Variants in TPTE2 observed in about 807,000 individuals in gnomAD.
The protein encoded by TPTE2 is phosphatidylinositol 3,4,5-trisphosphate 3-phosphatase TPTE2.
TPTE2 carries 53 observed loss-of-function variants against 78.6 expected under a neutral mutation model. The observed-to-expected ratio is 0.67, with a 90% CI of 0.54 to 0.85. The LOEUF (loss-of-function observed/expected upper bound fraction) is 0.85. Among genes scored for constraint, TPTE2 ranks in the 40% least tolerant of loss-of-function variants. The probability of loss-of-function intolerance (pLI) is 0.00; values close to 1 mark genes in which losing one functional copy is unlikely to be tolerated. For missense variants in TPTE2, 461 were observed against 623.0 expected, an observed-to-expected ratio of 0.74 and a Z score of 2.77; for synonymous variants, 175 against 206.2, an observed-to-expected ratio of 0.85 and a Z score of 1.30.
chr13:19,561,301 G>C, the TPTE2 span: 1 of 908,858 alleles, frequency 1.1e-6, no homozygotes, highest in Non-Finnish European at 1.6e-6. Flanking sequence ...GCCCCAGCAT[G>C]CCGATCCCAG....
intron 10 of TPTE2, among the ~76,000 whole-genome samples, chr13:19,454,836 C>G (rs1325868809): frequency 6.6e-6 from 1 of 152,162 alleles, no homozygotes; most frequent in African/African-American, 2.4e-5. Flanking sequence ...TATTAGTCAC[C>G]ACCAAATCTA....
At chr13:19,475,265 G>A (rs944518362) in intron 5 of TPTE2, among the ~76,000 whole-genome samples, 16 of 148,810 alleles carry the variant, frequency 1.1e-4, no homozygotes, top group South Asian at 2.1e-4. Flanking sequence ...TTGCTGTGTC[G>A]CCAAGGCTGC....
the TPTE2 span, among the ~76,000 whole-genome samples, chr13:19,557,563 C>A: frequency 6.6e-6 from 1 of 152,128 alleles, no homozygotes; most frequent in African/African-American, 2.4e-5. Flanking sequence ...TTAGGAATGT[C>A]CAGTATGTAA....
chr13:19,484,677 T>C (rs1273136200), intron 3 of TPTE2, among the ~76,000 whole-genome samples: 1 of 152,222 alleles, frequency 6.6e-6, no homozygotes, highest in African/African-American at 2.4e-5. Flanking sequence ...TTTACAATTA[T>C]ACACATATTA....
Position 19,484,492 on chromosome 13 carries a change from G to C in TPTE2, c.120-1945C>G, listed in dbSNP as rs151323948. Among the ~76,000 whole-genome samples, 46 of 152,264 alleles carry C rather than the reference G, an allele frequency of 3.0e-4. No individual in the cohort carries two copies. In the East Asian group the frequency reaches 8.3e-3, roughly 27 times the overall value. On this transcript the variant is annotated intron_variant, in intron 3 of 19. Coordinates refer to ENST00000400230, the Ensembl canonical transcript of TPTE2. Reference sequence around the variant, plus strand: ...GTTATTTATGTCCATTTGGTCTATGGTGGAGTTTAAGTCTGATGTTTCTTT... The same window carrying C: ...GTTATTTATGTCCATTTGGTCTATGCTGGAGTTTAAGTCTGATGTTTCTTT...
At chr13:19,516,163 G>A (rs1364545968) in intron 1 of TPTE2, among the ~76,000 whole-genome samples, 1 of 152,194 alleles carries the variant, frequency 6.6e-6, no homozygotes, top group Non-Finnish European at 1.5e-5. Context: ...TTTGAGTTAG[G>A]TGGAGGTTAG....
intron 5 of TPTE2, among the ~76,000 whole-genome samples, chr13:19,474,738 C>G (rs1480759841): frequency 6.6e-6 from 1 of 152,090 alleles, no homozygotes; most frequent in African/African-American, 2.4e-5. Flanking sequence ...GATGAATTAG[C>G]CTTTGAAGTA....
chr13:19,479,262 T>G (rs1880170424), intron 4 of TPTE2, among the ~76,000 whole-genome samples: 1 of 152,196 alleles, frequency 6.6e-6, no homozygotes, highest in Non-Finnish European at 1.5e-5. Context: ...TTTTAGGCAT[T>G]CTTACACTAG....
At chr13:19,471,751 C>T (rs1474771435) in intron 6 of TPTE2, among the ~76,000 whole-genome samples, 1 of 152,058 alleles carries the variant, frequency 6.6e-6, no homozygotes, top group Non-Finnish European at 1.5e-5. Context: ...TTTCTGTATA[C>T]CTACTATTAC....
intron 1 of TPTE2, among the ~76,000 whole-genome samples, chr13:19,508,285 C>A (rs1028239354): frequency 4.6e-5 from 7 of 152,094 alleles, no homozygotes; most frequent in Non-Finnish European, 8.8e-5. Flanking sequence ...AGTTCACAAA[C>A]CAACATGATT....
chr13:19,440,433 A>G (rs1426811371), intron 13 of TPTE2, among the ~76,000 whole-genome samples: 1 of 152,212 alleles, frequency 6.6e-6, no homozygotes, highest in Non-Finnish European at 1.5e-5. Flanking sequence ...CTTGATAAAA[A>G]AAAAACACTC....
intron 19 of TPTE2, among the ~76,000 whole-genome samples, chr13:19,423,586 C>A (rs571824939): frequency 4.6e-5 from 7 of 152,258 alleles, no homozygotes; most frequent in Admixed American, 4.6e-4. Context: ...TAGGCTATAA[C>A]TCCCATATGC....
chr13:19,494,799 T>C (rs1203697710), intron 1 of TPTE2, among the ~76,000 whole-genome samples: 1 of 152,114 alleles, frequency 6.6e-6, no homozygotes, highest in Non-Finnish European at 1.5e-5. Flanking sequence ...AAAGGACAAA[T>C]ATGGGCAGAG....
the TPTE2 span, among the ~76,000 whole-genome samples, chr13:19,545,888 T>G: frequency 6.6e-6 from 1 of 152,180 alleles, no homozygotes; most frequent in Non-Finnish European, 1.5e-5. Flanking sequence ...ATTAAAAATC[T>G]GTCCATGGGC....
At chr13:19,466,233 G>A (rs1879262018) in intron 7 of TPTE2, among the ~76,000 whole-genome samples, 1 of 152,208 alleles carries the variant, frequency 6.6e-6, no homozygotes, top group African/African-American at 2.4e-5. Flanking sequence ...GGGTCCCAGA[G>A]ATACTGATTC....
chr13:19,506,151 T>C (rs1347290406), upstream of TPTE2, among the ~76,000 whole-genome samples: 1 of 123,966 alleles, frequency 8.1e-6, no homozygotes, highest in Non-Finnish European at 1.7e-5. Flanking sequence ...CACTTACGTG[T>C]ATATAAATCT....
chr13:19,561,159 G>C, the TPTE2 span: 1 of 1,592,562 alleles, frequency 6.3e-7, no homozygotes, highest in South Asian at 1.1e-5. Context: ...AGGGCCACAG[G>C]AGGCTCGGGT....
intron 14 of TPTE2, 83 bp downstream of exon 17, chr13:19,438,009 T>C (rs1877224128): frequency 6.5e-7 from 1 of 1,542,364 alleles, no homozygotes; most frequent in Non-Finnish European, 8.7e-7. Context: ...ACTCAAATAA[T>C]CATCTTAACG....
intron 1 of TPTE2, among the ~76,000 whole-genome samples, chr13:19,499,872 G>T (rs1055568230): frequency 2.0e-5 from 3 of 150,596 alleles, no homozygotes; most frequent in Non-Finnish European, 2.9e-5. Flanking sequence ...CTGGATTTTT[G>T]AAAGGATCAA....
Sources: allele counts gnomAD v4.1 joint callset (sites outside exome capture counted in the v4.1 genomes callset), GRCh38; gene constraint gnomAD v4.1.1; transcripts MANE v1.5; gene names NCBI Gene and HGNC (gene_info 2026-07-23, HGNC 2026-07-21).